The following PI4KA variants were observed in gnomAD, a reference collection of about 807,000 sequenced individuals.
PI4KA encodes PI4-kinase alpha.
PI4KA carries 122 observed loss-of-function variants against 271.4 expected under a neutral mutation model. That is an observed-to-expected ratio of 0.45 (90% CI 0.39 to 0.52). The LOEUF (loss-of-function observed/expected upper bound fraction) is 0.52. Ranked by LOEUF, PI4KA falls within the 20% of genes least tolerant of loss-of-function variation. The probability of loss-of-function intolerance (pLI) is 0.00; values close to 1 mark genes in which losing one functional copy is unlikely to be tolerated. For synonymous variants in PI4KA, 1,041 were observed against 1,078.8 expected (o/e 0.96, Z 0.69); for missense variants, 1,969 against 2,769.1 (o/e 0.71, Z 6.48).
chr22:20,821,358 A>G lies in PI4KA; in HGVS notation c.457-747T>C, dbSNP rs561068237. ...CTCAGTCTCCTGAGTAGCTAAGATT[A>G]CAGGTGCATGCCACCATGCCTGGCT... On this transcript the variant is annotated intron_variant, in intron 4 of 54. Coordinates refer to ENST00000255882, the MANE Select transcript of PI4KA (RefSeq NM_058004.4). Among the ~76,000 whole-genome samples the G allele has an allele frequency of 1.5e-4, 22 of 151,338 alleles. No homozygotes were observed. The East Asian group carries it at 1.6e-3, about 11-fold the overall frequency.
intron 28 of PI4KA, among the ~76,000 whole-genome samples, chr22:20,748,333 A>C (rs1930332382): frequency 6.6e-6 from 1 of 152,222 alleles, no homozygotes; most frequent in African/African-American, 2.4e-5. Flanking sequence ...ATAAGCTACA[A>C]AGCCTTGGCC....
intron 1 of PI4KA, among the ~76,000 whole-genome samples, chr22:20,846,114 A>C (rs1033928009): frequency 2.0e-5 from 3 of 151,696 alleles, no homozygotes; most frequent in African/African-American, 7.3e-5. Flanking sequence ...ATACAAAAAA[A>C]TTAGGCAGGC....
intron 19 of PI4KA, chr22:20,785,869 C>G: frequency 2.3e-6 from 3 of 1,279,492 alleles, no homozygotes; most frequent in Non-Finnish European, 3.4e-6. Context: ...ACTGACAGTC[C>G]CGGAATATAA....
Position 20,796,054 on chromosome 22 carries a change from C to A in PI4KA, c.2277+92G>T, listed in dbSNP as rs1934967075. On this transcript the variant is annotated intron_variant, in intron 18 of 54. Coordinates refer to ENST00000255882, the MANE Select transcript of PI4KA (RefSeq NM_058004.4). ...ATTTAAATCATTCACAAAGAAAGTG[C>A]CATATTCCAACCAAGATGGTGCCTG... is the stretch of plus-strand genomic sequence containing the variant. 4.1e-6 allele frequency: 5 copies of A among 1,209,896 alleles called. No homozygotes were observed. In the Admixed American group the frequency reaches 1.0e-4, roughly 25 times the overall value. 74.9% of individuals were successfully genotyped at this position (1,209,896 alleles called of 1,614,324 possible). A position where few individuals can be genotyped will look rare whatever the true frequency, so the allele number is the denominator to read the frequency against.
chr22:20,719,132 G>A (rs1926395050), intron 43 of PI4KA, among the ~76,000 whole-genome samples: 1 of 151,864 alleles, frequency 6.6e-6, no homozygotes, highest in Admixed American at 6.6e-5. Flanking sequence ...ATGTCACAGG[G>A]CATAGAATCC....
chr22:20,832,184 C>T (rs1302678040), intron 3 of PI4KA, among the ~76,000 whole-genome samples: 4 of 149,356 alleles, frequency 2.7e-5, no homozygotes, highest in South Asian at 4.2e-4. Flanking sequence ...GGCGCGATCT[C>T]GGCTCACTGT....
intron 3 of PI4KA, among the ~76,000 whole-genome samples, chr22:20,828,868 A>T (rs1416129608): frequency 6.6e-6 from 1 of 152,140 alleles, no homozygotes; most frequent in Non-Finnish European, 1.5e-5. Flanking sequence ...AGGATTTTTA[A>T]CATGAAGGGA....
At chr22:20,786,686 G>A (rs370453581) in intron 19 of PI4KA, among the ~76,000 whole-genome samples, 6 of 152,100 alleles carry the variant, frequency 3.9e-5, no homozygotes, top group East Asian at 3.9e-4. Flanking sequence ...GAACCTAGCC[G>A]GCCTCTAAGT....
At chr22:20,731,249 C>A (rs1928011920) in intron 36 of PI4KA, among the ~76,000 whole-genome samples, 1 of 152,210 alleles carries the variant, frequency 6.6e-6, no homozygotes, top group Non-Finnish European at 1.5e-5. Context: ...TGGCAGTTAT[C>A]TGATCACCGG....
At chr22:20,804,189 C>G (rs963485543) in intron 12 of PI4KA, 111 bp downstream of exon 12, 23 of 735,882 alleles carry the variant, frequency 3.1e-5, no homozygotes, top group Non-Finnish European at 4.9e-5. Flanking sequence ...AAGACAGAAC[C>G]GGCAGGGTCT....
At chr22:20,780,103 A>G in intron 19 of PI4KA, 1 of 1,614,096 alleles carries the variant, frequency 6.2e-7, no homozygotes, top group Middle Eastern at 1.6e-4. Flanking sequence ...AAAACCAACA[A>G]CCACATCATG....
chr22:20,825,018 C>G (rs964559767), intron 3 of PI4KA, among the ~76,000 whole-genome samples: 1 of 135,604 alleles, frequency 7.4e-6, no homozygotes, highest in Non-Finnish European at 1.5e-5. Context: ...TCCAGTGAGC[C>G]GAGATCGCAC....
chr22:20,764,596 T>C (rs1253132028), intron 22 of PI4KA: 4 of 500,790 alleles, frequency 8.0e-6, no homozygotes, highest in Non-Finnish European at 1.4e-5. Flanking sequence ...AGAGAGAAGA[T>C]GATGCGGAGC....
chr22:20,716,016 A>G (rs1925957037), intron 45 of PI4KA, among the ~76,000 whole-genome samples: 1 of 151,304 alleles, frequency 6.6e-6, no homozygotes, highest in Middle Eastern at 3.2e-3. Flanking sequence ...CAGCCTCCCA[A>G]GTAGCTGGGA....
In PI4KA at chr22:20,858,604, G is replaced by A. The variant is rs918376885; in HGVS notation, c.122C>T (p.Ser41Phe). The A allele has an allele frequency of 2.0e-6, 3 of 1,477,108 alleles. No homozygotes were observed. Among genetic ancestry groups the A allele is most frequent in the Non-Finnish European group, 1.8e-6 (2 of 1,118,744 alleles). 91.5% of individuals were successfully genotyped at this position (1,477,108 alleles called of 1,614,324 possible). A position where few individuals can be genotyped will look rare whatever the true frequency, so the allele number is the denominator to read the frequency against. ...GGATGCTGGTCTCTGCACCGCCAGGGAGCGGGCCAGTGACAGGACCGTGTT... is the reference window on the plus strand; with the variant it reads ...GGATGCTGGTCTCTGCACCGCCAGGAAGCGGGCCAGTGACAGGACCGTGTT... ...YFNTVLSLAR[S>F]LAVQRPASLE... The change falls in exon 1 of 55, where the codon TCC becomes TTC. Residue 41 changes from serine to phenylalanine, a missense_variant. Transcript: ENST00000255882.
intron 22 of PI4KA, among the ~76,000 whole-genome samples, chr22:20,763,691 TG>T (rs1383640924): frequency 6.6e-6 from 1 of 152,158 alleles, no homozygotes; most frequent in African/African-American, 2.4e-5. Flanking sequence ...CCACTCGCCT[TG>T]GCCTCCTAAA....
At position 20,849,386 on chromosome 22, in the gene PI4KA, G is replaced by A. The variant is rs147918152; in HGVS notation, c.156+9184C>T. Reference sequence around the variant, plus strand: ...TGAAAATATGTCTACAGAAACACTTGTACGTGAATTTCCATAGCAGCGTTA... The same window carrying A: ...TGAAAATATGTCTACAGAAACACTTATACGTGAATTTCCATAGCAGCGTTA... On this transcript the variant is annotated intron_variant, in intron 1 of 54. Transcript: ENST00000255882. Among the ~76,000 whole-genome samples, 333 of 152,258 alleles carry A rather than the reference G, an allele frequency of 2.2e-3. 1 individual carries two copies. The highest frequency in any genetic ancestry group is 8.0e-3 in the African/African-American group (331 of 41,546).
chr22:20,756,610 G>A (rs1202587260), intron 23 of PI4KA, among the ~76,000 whole-genome samples: 1 of 151,666 alleles, frequency 6.6e-6, no homozygotes, highest in Non-Finnish European at 1.5e-5. Context: ...TCAATGTCAT[G>A]TAGTAGCATC....
chr22:20,719,754 T>A (rs992569091), intron 43 of PI4KA, among the ~76,000 whole-genome samples: 11 of 152,100 alleles, frequency 7.2e-5, no homozygotes, highest in African/African-American at 2.7e-4. Flanking sequence ...GGGCCGGGCG[T>A]GGTGGCTCAT....
Sources: gnomAD v4.1 joint callset for allele counts (sites outside exome capture counted in the v4.1 genomes callset) on GRCh38, gnomAD v4.1.1 for gene constraint, MANE v1.5 for transcripts, NCBI Gene and HGNC (gene_info 2026-07-23, HGNC 2026-07-21) for gene names.